Variants in CFAP54 observed in about 807,000 individuals in gnomAD.
CFAP54 encodes the protein cilia- and flagella-associated protein 54.
A neutral mutation model predicts 370.4 loss-of-function variants in CFAP54; 290 were observed. The ratio of observed to expected loss-of-function variants is 0.78; its 90% CI spans 0.71 to 0.86. CFAP54 has a LOEUF of 0.86. Among genes scored for constraint, CFAP54 ranks in the 40% least tolerant of loss-of-function variants. CFAP54 has a pLI of 0.00. For missense variants in CFAP54, 3,399 were observed against 3,528.7 expected, an observed-to-expected ratio of 0.96 and a Z score of 0.93; for synonymous variants, 1,206 against 1,236.5, an observed-to-expected ratio of 0.98 and a Z score of 0.52.
At chr12:96,559,148 G>T (rs768665360) in intron 17 of CFAP54, among the ~76,000 whole-genome samples, 1 of 152,024 alleles carries the variant, frequency 6.6e-6, no homozygotes, top group Non-Finnish European at 1.5e-5. Context: ...CCTGGGAGGC[G>T]GAGATTGCAG....
chr12:96,563,400 T>C (rs1168872288), intron 17 of CFAP54, among the ~76,000 whole-genome samples: 1 of 152,226 alleles, frequency 6.6e-6, no homozygotes, highest in Non-Finnish European at 1.5e-5. Flanking sequence ...AGCATTCTTA[T>C]TCAATAATGG....
intron 66 of CFAP54, among the ~76,000 whole-genome samples, chr12:96,839,891 G>A (rs571799587): frequency 6.6e-6 from 1 of 152,274 alleles, no homozygotes; most frequent in East Asian, 1.9e-4. Flanking sequence ...TGGCTGGTTG[G>A]GCCTCCTCAC....
chr12:96,666,738 G>T (rs1957085744), intron 39 of CFAP54, among the ~76,000 whole-genome samples: 1 of 152,126 alleles, frequency 6.6e-6, no homozygotes, highest in South Asian at 2.1e-4. Context: ...TTTGGGTGGG[G>T]ATACAGCCAA....
chr12:96,748,249 C>G (rs1256595903), intron 55 of CFAP54, among the ~76,000 whole-genome samples: 1 of 152,196 alleles, frequency 6.6e-6, no homozygotes, highest in Non-Finnish European at 1.5e-5. Flanking sequence ...AAGTTTCGCT[C>G]CTTCTCTCCT....
chr12:96,832,633 T>C (rs1251572190), intron 66 of CFAP54, among the ~76,000 whole-genome samples: 1 of 152,234 alleles, frequency 6.6e-6, no homozygotes, highest in Non-Finnish European at 1.5e-5. Flanking sequence ...CCTCCATGTG[T>C]GAATTATTCA....
At chr12:96,815,076 G>A (rs1210635819) in intron 64 of CFAP54, among the ~76,000 whole-genome samples, 1 of 152,104 alleles carries the variant, frequency 6.6e-6, no homozygotes, top group Non-Finnish European at 1.5e-5. Context: ...ACCCAGTAAT[G>A]GGATTGCTGG....
chr12:96,838,233 A>G (rs1321995007), intron 66 of CFAP54, among the ~76,000 whole-genome samples: 1 of 152,106 alleles, frequency 6.6e-6, no homozygotes, highest in Non-Finnish European at 1.5e-5. Context: ...GGTTTTGCTC[A>G]GGGGGATGAA....
chr12:96,571,085 T>G (rs1592856482), intron 19 of CFAP54, among the ~76,000 whole-genome samples: 2 of 152,288 alleles, frequency 1.3e-5, no homozygotes, highest in East Asian at 3.9e-4. Flanking sequence ...ATCATTCCAG[T>G]CCTGTGATAG....
intron 67 of CFAP54, among the ~76,000 whole-genome samples, chr12:96,862,978 T>C (rs1387864286): frequency 6.6e-6 from 1 of 152,220 alleles, no homozygotes; most frequent in Non-Finnish European, 1.5e-5. Context: ...CAAGACCATT[T>C]ACCTCAACCT....
Position 96,592,491 on chromosome 12 carries a change from T to C in CFAP54, c.3214T>C (p.Leu1072=). The change falls in exon 24 of 68, where the codon TTA becomes CTA. Residue 1072 remains leucine (L), a splice_region_variant and synonymous_variant. Coordinates refer to ENST00000524981, the MANE Select transcript of CFAP54 (RefSeq NM_001306084.2). Reference sequence around the variant, plus strand: ...CCTGCCATTTACTTCATATTGCAGATTACATTCAGATATTTTGGCAGAGAC... The same window carrying C: ...CCTGCCATTTACTTCATATTGCAGACTACATTCAGATATTTTGGCAGAGAC... ...SNIITITQRR[L]HSDILAETSS... is the part of the protein sequence containing the mutation. The C allele has an allele frequency of 1.7e-6, 1 of 590,162 alleles. No individual in the cohort carries two copies. Among genetic ancestry groups the C allele is most frequent in the Non-Finnish European group, 2.8e-6 (1 of 352,750 alleles). 36.6% of individuals were successfully genotyped at this position (590,162 alleles called of 1,614,324 possible).
chr12:96,527,963 G>A (rs1202448301), intron 9 of CFAP54, among the ~76,000 whole-genome samples: 1 of 152,040 alleles, frequency 6.6e-6, no homozygotes, highest in Non-Finnish European at 1.5e-5. Flanking sequence ...GACTTGTTTT[G>A]TATATACAGT....
intron 58 of CFAP54, among the ~76,000 whole-genome samples, chr12:96,763,611 T>G (rs1958362277): frequency 6.6e-6 from 1 of 152,066 alleles, no homozygotes; most frequent in South Asian, 2.1e-4. Flanking sequence ...ACACCTTGTT[T>G]CTACAAAAAA....
At chr12:96,841,357 G>T (rs1959213715) in intron 66 of CFAP54, among the ~76,000 whole-genome samples, 1 of 152,186 alleles carries the variant, frequency 6.6e-6, no homozygotes, top group African/African-American at 2.4e-5. Flanking sequence ...CAAGTTCAAT[G>T]TTTAGTTTCC....
intron 39 of CFAP54, 39 bp from the exon 40 acceptor site, chr12:96,679,561 G>C: frequency 1.9e-6 from 3 of 1,583,596 alleles, no homozygotes; most frequent in Non-Finnish European, 2.6e-6. Context: ...GCTTGGTGCA[G>C]CATTTCATCC....
Position 96,861,087 on chromosome 12 carries a change from G to T in CFAP54, c.*14+135G>T, listed in dbSNP as rs140016113. 1.5e-3 allele frequency: 937 copies of T among 621,948 alleles called. 4 individuals carry two copies. The African/African-American group carries it at 0.016, about 11-fold the overall frequency. The allele number at this position is 621,948 out of a possible 1,614,324, so 38.5% of individuals were successfully genotyped here. A position where few individuals can be genotyped will look rare whatever the true frequency, so the allele number is the denominator to read the frequency against. The stretch of plus-strand genomic sequence containing the variant: ...ATTTCTTTAAAATTATTATTTTGAG[G>T]AATGTCTTAAATTGTACCTGAATTA... On this transcript the variant is annotated intron_variant, in intron 67 of 67. Coordinates refer to ENST00000524981, the MANE Select transcript of CFAP54 (RefSeq NM_001306084.2).
chr12:96,717,872 A>G (rs913267190), intron 48 of CFAP54, among the ~76,000 whole-genome samples: 4 of 152,154 alleles, frequency 2.6e-5, no homozygotes, highest in Non-Finnish European at 5.9e-5. Flanking sequence ...ATCACTAAAT[A>G]CCTAAAAAAT....
chr12:96,589,571 G>T lies in CFAP54; in HGVS notation c.3212+8G>T, dbSNP rs1228463284. 1.5e-6 allele frequency: 2 copies of T among 1,367,424 alleles called. No individual in the cohort carries two copies. The highest frequency in any genetic ancestry group is 1.3e-5 in the South Asian group (1 of 76,438). The allele number at this position is 1,367,424 out of a possible 1,614,324, so 84.7% of individuals were successfully genotyped here. On this transcript the variant is annotated splice_region_variant and intron_variant, in intron 23 of 67. Coordinates refer to ENST00000524981, the MANE Select transcript of CFAP54 (RefSeq NM_001306084.2). ...TACTATTACACAAAGAAGGTAATTA[G>T]AAATATTCTTCTAAAATATTAATTT...
At position 96,527,094 on chromosome 12, in the gene CFAP54, C is replaced by T. The variant is rs530302593; in HGVS notation, c.1159-152C>T. On this transcript the variant is annotated intron_variant, in intron 8 of 67. Coordinates refer to ENST00000524981, the MANE Select transcript of CFAP54 (RefSeq NM_001306084.2). The stretch of plus-strand genomic sequence containing the variant: ...AATTTTTTTGTTGAAATGGGGGTCT[C>T]ACTGTGTTGCCCAGGTGGTCTTGAA... Among the ~76,000 whole-genome samples the T allele has an allele frequency of 2.0e-5, 3 of 152,164 alleles. No individual in the cohort carries two copies. The East Asian group carries it at 5.8e-4, about 29-fold the overall frequency.
At chr12:96,507,178 A>G in intron 4 of CFAP54, 79 bp downstream of exon 4, 1 of 1,115,542 alleles carries the variant, frequency 9.0e-7, no homozygotes, top group Non-Finnish European at 1.2e-6. Flanking sequence ...TAGCTTGAGT[A>G]CCTTGTGATT....
Sources: allele counts gnomAD v4.1 joint callset (sites outside exome capture counted in the v4.1 genomes callset), GRCh38; gene constraint gnomAD v4.1.1; transcripts MANE v1.5; gene names NCBI Gene and HGNC (gene_info 2026-07-23, HGNC 2026-07-21).